Variants in TANC2 observed in about 807,000 individuals in gnomAD.
The protein encoded by TANC2 is protein TANC2.
In TANC2, 26 loss-of-function variants were observed where a neutral mutation model predicts 210.5. The observed-to-expected ratio is 0.12, with a 90% CI of 0.09 to 0.17. The LOEUF (loss-of-function observed/expected upper bound fraction) is 0.17. Ranked by LOEUF, TANC2 falls within the 10% of genes least tolerant of loss-of-function variation. The pLI, the probability that TANC2 is intolerant of heterozygous loss-of-function variation, is 1.00. For missense variants in TANC2, 2,129 were observed against 2,608.9 expected, an observed-to-expected ratio of 0.82 and a Z score of 4.01; for synonymous variants, 931 against 967.1, an observed-to-expected ratio of 0.96 and a Z score of 0.69.
rs1340184616 is a variant in TANC2, at chr17:63,192,902, G to A, written c.434-1089G>A. Among the ~76,000 whole-genome samples, 5 of 152,000 alleles carry A rather than the reference G, an allele frequency of 3.3e-5. No individual in the cohort carries two copies. The East Asian group carries it at 9.6e-4, about 29-fold the overall frequency. ...ATATCTCCGTGTTGTATAAATTCTC[G>A]TATCTGTTGTTAACCATGTACATAG... On this transcript the variant is annotated intron_variant, in intron 5 of 27. Coordinates refer to ENST00000689528, the Ensembl canonical transcript of TANC2.
chr17:63,234,700 TAC>T (rs2042573786), intron 7 of TANC2, among the ~76,000 whole-genome samples: 1 of 152,170 alleles, frequency 6.6e-6, no homozygotes, highest in African/African-American at 2.4e-5. Context: ...TCCAGAAATG[TAC>T]AGTGTAGTAA....
At chr17:63,046,973 A>G (rs1211982999) in intron 2 of TANC2, among the ~76,000 whole-genome samples, 1 of 152,110 alleles carries the variant, frequency 6.6e-6, no homozygotes, top group Non-Finnish European at 1.5e-5. Context: ...GGAGAGGGGG[A>G]GATCTGATTT....
At chr17:63,189,844 A>G (rs2041124061) in intron 5 of TANC2, among the ~76,000 whole-genome samples, 1 of 152,224 alleles carries the variant, frequency 6.6e-6, no homozygotes, top group African/African-American at 2.4e-5. Context: ...AAAGGTCACA[A>G]AGTTTACTAC....
intron 4 of TANC2, among the ~76,000 whole-genome samples, chr17:63,103,241 T>C (rs1598403281): frequency 6.6e-6 from 1 of 152,340 alleles, no homozygotes; most frequent in East Asian, 1.9e-4. Flanking sequence ...GTAACCTTTA[T>C]ACTCTTAACA....
In TANC2 at chr17:63,324,711, GAAC is replaced by G. The variant is rs2045592456; in HGVS notation, c.1575+5623_1575+5625del. ...CAGACCCAGATTTCATCTACATTTG[GAAC>G]ACTGAATATGGGAAAACAGCCTTGT... On this transcript the variant is annotated intron_variant, in intron 11 of 27. Coordinates refer to ENST00000689528, the Ensembl canonical transcript of TANC2. Among the ~76,000 whole-genome samples the G allele has an allele frequency of 3.3e-5, 5 of 152,170 alleles. No homozygotes were observed. In the South Asian group the frequency reaches 1.0e-3, roughly 32 times the overall value.
intron 11 of TANC2, among the ~76,000 whole-genome samples, chr17:63,324,335 G>A (rs2045580541): frequency 1.3e-5 from 2 of 152,186 alleles, no homozygotes; most frequent in African/African-American, 4.8e-5. Flanking sequence ...GACAAGTTCT[G>A]TACTATACCA....
chr17:63,105,204 TAAAAA>T (rs2037780174), intron 4 of TANC2, among the ~76,000 whole-genome samples: 2 of 151,764 alleles, frequency 1.3e-5, no homozygotes, highest in Admixed American at 1.3e-4. Context: ...ATCTCTGGGA[TAAAAA>T]ATGGCCTGAT....
Position 62,980,305 on chromosome 17 carries a change from AGTT to A in TANC2, c.-24+13561_-24+13563del, listed in dbSNP as rs1199057404. 2.0e-5 allele frequency among the ~76,000 whole-genome samples: 3 copies of A among 152,134 alleles called. No individual in the cohort carries two copies. The East Asian group carries it at 5.8e-4, about 29-fold the overall frequency. The stretch of plus-strand genomic sequence containing the variant: ...CTCTCTCCCACTACTCCAGTCATGT[AGTT>A]GTTGGTGATTTCAGGATCCATACAG... On this transcript the variant is annotated intron_variant, in intron 1 of 27. Coordinates refer to ENST00000689528, the Ensembl canonical transcript of TANC2.
intron 19 of TANC2, among the ~76,000 whole-genome samples, chr17:63,403,979 T>G (rs2048421325): frequency 6.6e-6 from 1 of 152,254 alleles, no homozygotes; most frequent in Admixed American, 6.5e-5. Flanking sequence ...CTTGCTTCTC[T>G]GAATACGTTT....
chr17:63,001,926 A>G (rs1175280085), intron 1 of TANC2, among the ~76,000 whole-genome samples: 2 of 152,344 alleles, frequency 1.3e-5, no homozygotes, highest in South Asian at 2.1e-4. Context: ...AATTCAGCAA[A>G]TATTTAGCAC....
chr17:63,105,862 A>G (rs772443599), intron 4 of TANC2, among the ~76,000 whole-genome samples: 4 of 151,676 alleles, frequency 2.6e-5, no homozygotes, highest in Non-Finnish European at 5.9e-5. Context: ...AATTCATAAT[A>G]TAGTATAATG....
intron 1 of TANC2, among the ~76,000 whole-genome samples, chr17:63,003,996 A>C (rs758271783): frequency 9.9e-5 from 15 of 152,202 alleles, no homozygotes; most frequent in Admixed American, 3.9e-4. Context: ...TTAACAGTGT[A>C]CAACAACTTT....
At chr17:63,409,826 A>C (rs2048634354) in intron 21 of TANC2, among the ~76,000 whole-genome samples, 1 of 152,276 alleles carries the variant, frequency 6.6e-6, no homozygotes, top group African/African-American at 2.4e-5. Context: ...TGATGTTTTG[A>C]TGCAGGCTGT....
chr17:63,308,797 A>G (rs955430668), intron 9 of TANC2, among the ~76,000 whole-genome samples: 5 of 152,110 alleles, frequency 3.3e-5, no homozygotes, highest in Non-Finnish European at 7.4e-5. Context: ...GTGATAAAAT[A>G]TTTGCTTATT....
At chr17:63,221,743 A>G (rs148589538) in intron 7 of TANC2, among the ~76,000 whole-genome samples, 191 of 152,360 alleles carry the variant, frequency 1.3e-3, no homozygotes, top group Non-Finnish European at 1.0e-3. Context: ...CTAAAACTCA[A>G]TACCAAAGAT....
At chr17:62,973,236 T>G (rs1224804041) in intron 1 of TANC2, among the ~76,000 whole-genome samples, 1 of 152,170 alleles carries the variant, frequency 6.6e-6, no homozygotes, top group Non-Finnish European at 1.5e-5. Context: ...TTTGCCATGT[T>G]GGCCAGCCTG....
intron 8 of TANC2, among the ~76,000 whole-genome samples, chr17:63,265,659 A>G (rs1414554244): frequency 6.6e-6 from 1 of 152,150 alleles, no homozygotes; most frequent in Non-Finnish European, 1.5e-5. Context: ...CTCTCCTAAT[A>G]TTATTATCTT....
intron 2 of TANC2, among the ~76,000 whole-genome samples, chr17:63,039,767 A>G (rs7207214): frequency 0.51 from 76,724 of 151,924 alleles, 20,703 homozygotes; most frequent in African/African-American, 0.69. Flanking sequence ...GATTCTGGCC[A>G]GTAAGGATGA....
At chr17:63,082,982 T>C (rs978741877) in intron 3 of TANC2, among the ~76,000 whole-genome samples, 1 of 152,174 alleles carries the variant, frequency 6.6e-6, no homozygotes, top group African/African-American at 2.4e-5. Flanking sequence ...TTGTAATCAG[T>C]TTTCTAATTG....
Sources: allele counts gnomAD v4.1 joint callset (sites outside exome capture counted in the v4.1 genomes callset), GRCh38; gene constraint gnomAD v4.1.1; transcripts MANE v1.5; gene names NCBI Gene and HGNC (gene_info 2026-07-23, HGNC 2026-07-21).